TMEM220: variants seen among roughly 807,000 people sequenced by gnomAD.
The protein encoded by TMEM220 is transmembrane protein 220.
TMEM220 carries 21 observed loss-of-function variants against 21.7 expected under a neutral mutation model. That is an observed-to-expected ratio of 0.97 (90% CI 0.69 to 1.39). TMEM220 has a LOEUF of 1.39. Ranked by LOEUF, TMEM220 falls within the 40% of genes most tolerant of loss-of-function variation. The pLI is 0.00. For synonymous variants in TMEM220, 80 were observed against 73.6 expected (o/e 1.09, Z -0.45); for missense variants, 191 against 201.9 (o/e 0.95, Z 0.33).
intron 4 of TMEM220, 29 bp from the exon 5 acceptor site, chr17:10,723,358 G>A: frequency 6.3e-7 from 1 of 1,594,910 alleles, no homozygotes. Flanking sequence ...TTCAGATTTT[G>A]GAAGTGGCTA....
At chr17:10,728,308 T>C (rs1304968102) in intron 2 of TMEM220, among the ~76,000 whole-genome samples, 1 of 140,772 alleles carries the variant, frequency 7.1e-6, no homozygotes, top group East Asian at 2.0e-4. Flanking sequence ...TTCTTTTTTT[T>C]CTTTGCTTTT....
chr17:10,715,655 G>A, intron 5 of TMEM220, 67 bp from the exon 6 acceptor site: 3 of 1,240,270 alleles, frequency 2.4e-6, no homozygotes, highest in East Asian at 2.7e-5. Flanking sequence ...TATAAAGACT[G>A]AATTGATAAA....
chr17:10,712,800 TG>T (rs1384596181), downstream of TMEM220, among the ~76,000 whole-genome samples: 6 of 152,194 alleles, frequency 3.9e-5, no homozygotes, highest in Admixed American at 6.5e-5. Context: ...GCAAGAAATA[TG>T]GCAGAAAAGG....
chr17:10,726,931 A>G (rs1490938624), intron 2 of TMEM220, among the ~76,000 whole-genome samples: 2 of 152,196 alleles, frequency 1.3e-5, no homozygotes, highest in Admixed American at 1.3e-4. Flanking sequence ...GGGTGGGTTT[A>G]TAAGAAGGAT....
chr17:10,729,393 C>CA (rs1173853458), intron 1 of TMEM220, among the ~76,000 whole-genome samples: 1 of 152,160 alleles, frequency 6.6e-6, no homozygotes, highest in African/African-American at 2.4e-5. Flanking sequence ...AGGGGGTCCC[C>CA]AAGCCGACTA....
intron 2 of TMEM220, 66 bp downstream of exon 2, chr17:10,728,965 C>G: frequency 6.5e-7 from 1 of 1,542,890 alleles, no homozygotes; most frequent in Non-Finnish European, 9.0e-7. Flanking sequence ...GACATAAAAC[C>G]GTGTGTTTTG....
At chr17:10,716,333 T>C in intron 5 of TMEM220, 1 of 647,732 alleles carries the variant, frequency 1.5e-6, no homozygotes. Flanking sequence ...ATTATACTCT[T>C]CAGTTCCTCC....
chr17:10,727,785 G>A (rs780648658), intron 2 of TMEM220, among the ~76,000 whole-genome samples: 1 of 152,150 alleles, frequency 6.6e-6, no homozygotes, highest in Admixed American at 6.5e-5. Context: ...TAAAGCTTAA[G>A]AGTCATCTCC....
chr17:10,729,069 C>T lies in TMEM220; in HGVS notation c.73-9G>A. On this transcript the variant is annotated splice_polypyrimidine_tract_variant and intron_variant, in intron 1 of 5. Coordinates refer to ENST00000341871, the MANE Select transcript of TMEM220 (RefSeq NM_001004313.3). ...GCATCTGGGTCATTTACCTGGAACG[C>T]CAGAATACCAAGGTGTTAGCAGACA... The T allele has an allele frequency of 1.2e-6, 2 of 1,614,110 alleles. No individual in the cohort carries two copies.
chr17:10,720,227 C>T (rs1228483229), intron 5 of TMEM220, among the ~76,000 whole-genome samples: 1 of 152,144 alleles, frequency 6.6e-6, no homozygotes, highest in Non-Finnish European at 1.5e-5. Flanking sequence ...CTCAAAGACA[C>T]ACTGGTAAAA....
chr17:10,712,271 T>C (rs560115024), downstream of TMEM220, among the ~76,000 whole-genome samples: 1 of 152,344 alleles, frequency 6.6e-6, no homozygotes, highest in African/African-American at 2.4e-5. Flanking sequence ...TCGTATCATA[T>C]TCTCTGCTGT....
chr17:10,728,881 A>T, intron 2 of TMEM220, 150 bp downstream of exon 2: 1 of 787,814 alleles, frequency 1.3e-6, no homozygotes, highest in Non-Finnish European at 2.1e-6. Context: ...GCCTATTAAT[A>T]TTTTAGGAAA....
intron 5 of TMEM220, chr17:10,716,095 G>T: frequency 2.5e-6 from 2 of 799,484 alleles, no homozygotes; most frequent in Non-Finnish European, 4.2e-6. Context: ...ATCTTGAAGT[G>T]TAATCCAGTA....
Position 10,726,208 on chromosome 17 carries a change from GACTTCAGGGTTAAGTCCAAC to G in TMEM220, c.139_158del (p.Val47HisfsTer3). On this transcript the variant is annotated frameshift_variant, in exon 3 of 6. Coordinates refer to ENST00000341871, the MANE Select transcript of TMEM220 (RefSeq NM_001004313.3). LOFTEE classifies it high-confidence loss of function. ...TTTAGAATGCAAGGCTTATACCTGT[GACTTCAGGGTTAAGTCCAAC>G]AAGCAGGGTCAGTACTGCAGGGATT... The G allele has an allele frequency of 6.2e-7, 1 of 1,613,578 alleles. No individual in the cohort carries two copies. Among genetic ancestry groups the G allele is most frequent in the Non-Finnish European group, 8.5e-7 (1 of 1,179,530 alleles).
intron 2 of TMEM220, among the ~76,000 whole-genome samples, chr17:10,727,258 C>T (rs750565278): frequency 6.6e-6 from 1 of 152,168 alleles, no homozygotes; most frequent in Non-Finnish European, 1.5e-5. Context: ...AGCCTCCTGC[C>T]TCAGCCTCTT....
In TMEM220 at chr17:10,727,918, T is replaced by C. The variant is rs557466200; in HGVS notation, c.102+1113A>G. Among the ~76,000 whole-genome samples, 5 of 152,282 alleles carry C rather than the reference T, an allele frequency of 3.3e-5. No homozygotes were observed. The South Asian group carries it at 1.0e-3, about 32-fold the overall frequency. Reference sequence around the variant, plus strand: ...ACTCATGTCTGTAATCCCAGCACTTTGGGAGGCTGAGGCAGGTGGATCACC... The same window carrying C: ...ACTCATGTCTGTAATCCCAGCACTTCGGGAGGCTGAGGCAGGTGGATCACC... On this transcript the variant is annotated intron_variant, in intron 2 of 5. Transcript: ENST00000341871.
chr17:10,724,385 G>C (rs2151478402), intron 4 of TMEM220: 1 of 152,640 alleles, frequency 6.6e-6, no homozygotes, highest in South Asian at 2.1e-4. Flanking sequence ...TTCAAGACCA[G>C]GCTGACCAAC....
chr17:10,719,248 G>C (rs2074959123), intron 5 of TMEM220, among the ~76,000 whole-genome samples: 1 of 152,116 alleles, frequency 6.6e-6, no homozygotes, highest in Non-Finnish European at 1.5e-5. Context: ...CATTACACCA[G>C]GATAAATTCT....
At chr17:10,723,425 TTGAG>T (rs1306602626) in intron 4 of TMEM220, 96 bp from the exon 5 acceptor site, 2 of 853,650 alleles carry the variant, frequency 2.3e-6, no homozygotes, top group Non-Finnish European at 4.1e-6. Flanking sequence ...CGCATTCTGA[TTGAG>T]TGACTGACTC....
Sources: allele counts gnomAD v4.1 joint callset (sites outside exome capture counted in the v4.1 genomes callset), GRCh38; gene constraint gnomAD v4.1.1; transcripts MANE v1.5; gene names NCBI Gene and HGNC (gene_info 2026-07-23, HGNC 2026-07-21).